IHO1: variants seen among roughly 807,000 people sequenced by gnomAD.
The protein encoded by IHO1 is interactor of HORMAD1 protein 1.
Under a neutral mutation model 31.0 loss-of-function variants are expected in IHO1, and 13 were observed. The ratio of observed to expected loss-of-function variants is 0.42; its 90% CI spans 0.27 to 0.67. The LOEUF (loss-of-function observed/expected upper bound fraction) is 0.67. Ranked by LOEUF, IHO1 falls within the 30% of genes least tolerant of loss-of-function variation. The pLI is 0.24. For synonymous variants in IHO1, 221 were observed against 248.4 expected, an observed-to-expected ratio of 0.89 and a Z score of 1.04; for missense variants, 599 against 687.5, an observed-to-expected ratio of 0.87 and a Z score of 1.44.
upstream of IHO1, among the ~76,000 whole-genome samples, chr3:49,197,012 G>C (rs1250230096): frequency 7.9e-6 from 1 of 126,724 alleles, no homozygotes; most frequent in Non-Finnish European, 1.6e-5. Context: ...ATGGAGTCTC[G>C]CTCTGTTGCC....
chr3:49,194,295 T>TAC (rs1215230127), upstream of IHO1, among the ~76,000 whole-genome samples: 1 of 24,392 alleles, frequency 4.1e-5, no homozygotes, highest in African/African-American at 9.9e-5. Context: ...ACAAAGTGTA[T>TAC]ATATATATAT....
At chr3:49,233,703 G>A (rs2046510531) in intron 2 of IHO1, among the ~76,000 whole-genome samples, 1 of 152,116 alleles carries the variant, frequency 6.6e-6, no homozygotes, top group African/African-American at 2.4e-5. Context: ...TTGGGAACAG[G>A]CCCCCAAATC....
chr3:49,197,302 A>G (rs2107672574), upstream of IHO1, among the ~76,000 whole-genome samples: 1 of 145,246 alleles, frequency 6.9e-6, no homozygotes, highest in South Asian at 2.2e-4. Flanking sequence ...TTTTTACTTA[A>G]AAAAAATGTG....
intron 2 of IHO1, among the ~76,000 whole-genome samples, chr3:49,224,663 A>T (rs891573430): frequency 2.0e-5 from 3 of 152,248 alleles, no homozygotes; most frequent in Non-Finnish European, 4.4e-5. Flanking sequence ...TAACTATGGC[A>T]TAACCTGCCC....
At position 49,256,772 on chromosome 3, in the gene IHO1, G is replaced by T. The variant is rs751988669; in HGVS notation, c.1275G>T (p.Leu425Phe). Residue 425 changes from leucine to phenylalanine, a missense_variant, in exon 8 of 8, where the codon TTG (leucine) becomes TTT (phenylalanine). Transcript: ENST00000452691. The surrounding 1 kb of genome is among the most constrained non-coding windows in gnomAD (Gnocchi z 4.6). Reference sequence around the variant, plus strand: ...TTTTGTGTGACCCACGTGAACATTTGGTGATTAAACAGAAAGATGGGACTG... The same window carrying T: ...TTTTGTGTGACCCACGTGAACATTTTGTGATTAAACAGAAAGATGGGACTG... ...SMFLCDPREH[L>F]VIKQKDGTVE... The T allele has an allele frequency of 6.2e-7, 1 of 1,614,190 alleles. No individual in the cohort carries two copies.
chr3:49,228,581 A>T (rs2046443879), intron 2 of IHO1, among the ~76,000 whole-genome samples: 1 of 152,188 alleles, frequency 6.6e-6, no homozygotes, highest in Non-Finnish European at 1.5e-5. Context: ...TTGGTCTCGC[A>T]GACTTCAGGA....
At chr3:49,244,879 A>G (rs759386285) in intron 6 of IHO1, 146 bp downstream of exon 6, 1 of 744,266 alleles carries the variant, frequency 1.3e-6, no homozygotes, top group East Asian at 2.6e-5. Context: ...TCCTGAAGAG[A>G]TGTGGAGCAC....
intron 2 of IHO1, among the ~76,000 whole-genome samples, chr3:49,228,646 G>A (rs1475158282): frequency 2.0e-5 from 3 of 152,216 alleles, no homozygotes; most frequent in South Asian, 2.1e-4. Context: ...TGGTATGTCC[G>A]GAGTTTGTTC....
At chr3:49,227,597 A>G (rs938822655) in intron 2 of IHO1, among the ~76,000 whole-genome samples, 1 of 152,184 alleles carries the variant, frequency 6.6e-6, no homozygotes, top group Non-Finnish European at 1.5e-5. Flanking sequence ...GTCTTCCTAG[A>G]TCACAAAGCG....
At chr3:49,201,355 C>T (rs1205360022) in intron 1 of IHO1, among the ~76,000 whole-genome samples, 1 of 151,824 alleles carries the variant, frequency 6.6e-6, no homozygotes, top group African/African-American at 2.4e-5. Context: ...TGCCTATAAT[C>T]CCAGCACTTT....
At chr3:49,255,360 G>A (rs376013913) in intron 6 of IHO1, 30 bp from the exon 7 acceptor site, 18 of 1,476,184 alleles carry the variant, frequency 1.2e-5, no homozygotes, top group Non-Finnish European at 1.6e-5. Context: ...ATAGTCTTCA[G>A]GAGGTGAACT....
Position 49,241,226 on chromosome 3 carries a change from G to C in IHO1, c.232G>C (p.Gly78Arg). Residue 78 changes from glycine to arginine, a missense_variant and splice_region_variant, in exon 4 of 8, where the codon GGT (glycine) becomes CGT (arginine). Transcript: ENST00000452691. Reference sequence around the variant, plus strand: ...GCTATATATTTTTTTCATTTAACAGGGTGAACCTAGCATTTTCACAAAGTA... The same window carrying C: ...GCTATATATTTTTTTCATTTAACAGCGTGAACCTAGCATTTTCACAAAGTA... Reference protein sequence around the residue: ...SKQSQQNYLEGEPSIFTKYQT... With the variant: ...SKQSQQNYLEREPSIFTKYQT... The C allele has an allele frequency of 6.3e-7, 1 of 1,591,308 alleles. No individual in the cohort carries two copies. The highest frequency in any genetic ancestry group is 1.2e-5 in the South Asian group (1 of 86,732).
chr3:49,197,648 G>A (rs2046007415), upstream of IHO1, among the ~76,000 whole-genome samples: 1 of 152,082 alleles, frequency 6.6e-6, no homozygotes, highest in Admixed American at 6.6e-5. Context: ...GCTGAGGTGG[G>A]TGGATCACCT....
At chr3:49,212,854 G>A (rs1365568233) in intron 2 of IHO1, among the ~76,000 whole-genome samples, 4 of 152,196 alleles carry the variant, frequency 2.6e-5, no homozygotes, top group Non-Finnish European at 5.9e-5. Context: ...CAAATCTTCC[G>A]CAGTGTGGAA....
upstream of IHO1, among the ~76,000 whole-genome samples, chr3:49,196,872 G>A (rs1283712917): frequency 6.6e-6 from 1 of 151,634 alleles, no homozygotes; most frequent in Non-Finnish European, 1.5e-5. Flanking sequence ...GGGTTTCGCT[G>A]TGTTAGCCAG....
intron 2 of IHO1, among the ~76,000 whole-genome samples, chr3:49,222,458 C>A (rs1452222257): frequency 6.6e-6 from 1 of 151,996 alleles, no homozygotes; most frequent in Non-Finnish European, 1.5e-5. Flanking sequence ...ATCATTTTAT[C>A]CAGTCTGAGT....
At chr3:49,217,320 G>A (rs1269310342) in intron 2 of IHO1, among the ~76,000 whole-genome samples, 1 of 152,026 alleles carries the variant, frequency 6.6e-6, no homozygotes, top group Non-Finnish European at 1.5e-5. Context: ...AAAAAAGAAT[G>A]AGTTCATGTC....
chr3:49,212,895 C>G (rs1276285946), intron 2 of IHO1, among the ~76,000 whole-genome samples: 1 of 152,176 alleles, frequency 6.6e-6, no homozygotes. Flanking sequence ...ACTGCTGGCT[C>G]GGGCATCCTC....
upstream of IHO1, among the ~76,000 whole-genome samples, chr3:49,194,127 G>A (rs2045982666): frequency 1.3e-5 from 2 of 149,990 alleles, no homozygotes; most frequent in South Asian, 4.2e-4. Context: ...AATTAGCCAG[G>A]TGCGGTGGCA....
Sources: gnomAD v4.1 joint callset for allele counts (sites outside exome capture counted in the v4.1 genomes callset) on GRCh38, gnomAD v4.1.1 for gene constraint, Gnocchi (gnomAD v3.1) non-coding constraint, MANE v1.5 for transcripts, NCBI Gene and HGNC (gene_info 2026-07-23, HGNC 2026-07-21) for gene names.